HAVCR1: variants seen among roughly 807,000 people sequenced by gnomAD.
The protein encoded by HAVCR1 is hepatitis A virus cellular receptor 1.
In HAVCR1, 34 loss-of-function variants were observed where a neutral mutation model predicts 32.0. The ratio of observed to expected loss-of-function variants is 1.06; its 90% confidence interval spans 0.81 to 1.42. The LOEUF (loss-of-function observed/expected upper bound fraction) is 1.42. Ranked by LOEUF, HAVCR1 falls within the 40% of genes most tolerant of loss-of-function variation. The pLI, the probability that HAVCR1 is intolerant of heterozygous loss-of-function variation, is 0.00. For synonymous variants in HAVCR1, 178 were observed against 170.3 expected, an observed-to-expected ratio of 1.05 and a Z score of -0.35; for missense variants, 420 against 442.3, an observed-to-expected ratio of 0.95 and a Z score of 0.45.
chr5:157,034,246 G>T (rs60974422), intron 7 of HAVCR1, among the ~76,000 whole-genome samples: 1 of 151,908 alleles, frequency 6.6e-6, no homozygotes, highest in African/African-American at 2.4e-5. Flanking sequence ...GGTGGGGAGA[G>T]GGTCAGCAGG....
upstream of HAVCR1, among the ~76,000 whole-genome samples, chr5:157,063,944 A>G (rs1756547042): frequency 6.6e-6 from 1 of 152,246 alleles, no homozygotes; most frequent in Non-Finnish European, 1.5e-5. Context: ...AAGAGAGGCC[A>G]GCGTGACTGC....
chr5:157,058,297 C>A, intron 1 of HAVCR1: 1 of 198,474 alleles, frequency 5.0e-6, no homozygotes, highest in East Asian at 1.3e-4. Flanking sequence ...GGCGCGGTGG[C>A]TCAAACCTGT....
At chr5:157,031,146 CTG>C (rs1015608576) in intron 8 of HAVCR1, among the ~76,000 whole-genome samples, 1 of 151,996 alleles carries the variant, frequency 6.6e-6, no homozygotes, top group Admixed American at 6.6e-5. Flanking sequence ...ATTTCTGAAA[CTG>C]TTTTCCAATC....
the HAVCR1 span, among the ~76,000 whole-genome samples, chr5:157,066,946 C>T: frequency 7.2e-5 from 11 of 152,042 alleles, no homozygotes; most frequent in East Asian, 1.9e-4. Context: ...ATTAGCCGGG[C>T]GTGGTGGTAC....
chr5:157,063,262 A>G (rs1186063753), upstream of HAVCR1, among the ~76,000 whole-genome samples: 2 of 150,622 alleles, frequency 1.3e-5, no homozygotes, highest in African/African-American at 2.4e-5. Context: ...TGAACCAAAG[A>G]CCCCTGGCCT....
chr5:157,060,585 GGT>G (rs1292454861), upstream of HAVCR1, among the ~76,000 whole-genome samples: 9 of 152,018 alleles, frequency 5.9e-5, no homozygotes, highest in African/African-American at 2.2e-4. Flanking sequence ...CAATATATGT[GGT>G]GTCTGTCTCT....
intron 5 of HAVCR1, among the ~76,000 whole-genome samples, chr5:157,044,429 A>AGG (rs1342721200): frequency 0.016 from 425 of 27,058 alleles, 18 homozygotes; most frequent in African/African-American, 0.027. Context: ...AGGAGAAAGA[A>AGG]AGAAAGAAAG....
rs1460116836 is a variant in HAVCR1 at position 157,054,206 on chromosome 5, A to AT, written c.379+994_379+995insA. On this transcript the variant is annotated intron_variant, in intron 3 of 8. Coordinates refer to ENST00000523175, the MANE Select transcript of HAVCR1 (RefSeq NM_001173393.3). ...ACTCCATCTCAAAAAAAAAAAAAAA[A>AT]AAAAAAACAAAGGCCCTGCATGGTG... is the stretch of plus-strand genomic sequence containing the variant. Among the ~76,000 whole-genome samples the AT allele has an allele frequency of 1.2e-3, 184 of 151,292 alleles. 1 individual carries two copies. Among genetic ancestry groups the AT allele is most frequent in the African/African-American group, 4.3e-3 (177 of 41,228 alleles).
chr5:157,056,235 A>T (rs1756131916), intron 2 of HAVCR1, among the ~76,000 whole-genome samples: 1 of 151,396 alleles, frequency 6.6e-6, no homozygotes, highest in African/African-American at 2.4e-5. Flanking sequence ...CAGCCTTGTA[A>T]ATAGACATTA....
At chr5:157,061,428 G>A (rs1756487312), upstream of HAVCR1, among the ~76,000 whole-genome samples, 1 of 152,128 alleles carries the variant, frequency 6.6e-6, no homozygotes, top group Admixed American at 6.6e-5. Flanking sequence ...CAATTTAAGT[G>A]TTGAAGCCAG....
chr5:157,051,989 C>A (rs1347171269), intron 4 of HAVCR1, among the ~76,000 whole-genome samples: 4 of 152,234 alleles, frequency 2.6e-5, no homozygotes, highest in Non-Finnish European at 5.9e-5. Context: ...CGTGAGGACA[C>A]TATCTCATTT....
chr5:157,044,544 GAGGA>G (rs1402757232), intron 5 of HAVCR1, among the ~76,000 whole-genome samples: 20 of 142,106 alleles, frequency 1.4e-4, no homozygotes, highest in South Asian at 9.5e-4. Flanking sequence ...AAGAAGAAAG[GAGGA>G]AGGAAGGAAG....
chr5:157,065,723 C>T, the HAVCR1 span, among the ~76,000 whole-genome samples: 3 of 152,076 alleles, frequency 2.0e-5, no homozygotes, highest in South Asian at 6.2e-4. Context: ...GGTGTGATGG[C>T]GCATGCCTGT....
intron 5 of HAVCR1, among the ~76,000 whole-genome samples, chr5:157,048,416 G>A (rs531983109): frequency 6.6e-6 from 1 of 152,236 alleles, no homozygotes; most frequent in African/African-American, 2.4e-5. Flanking sequence ...ATGTTCTAAG[G>A]AATAATAATA....
chr5:157,029,596 T>C lies in HAVCR1; in HGVS notation c.*137A>G. On this transcript the variant is annotated 3_prime_UTR_variant, in exon 9 of 9. Transcript: ENST00000523175. ...GGAGTGAGAGAGTTACTCTACCCAGTATCACTGACATGTTGGAATGCCAGA... is the reference window on the plus strand; with the variant it reads ...GGAGTGAGAGAGTTACTCTACCCAGCATCACTGACATGTTGGAATGCCAGA... 2 of 1,539,764 alleles carry C rather than the reference T, an allele frequency of 1.3e-6. No homozygotes were observed. The highest frequency in any genetic ancestry group is 1.4e-5 in the African/African-American group (1 of 73,248).
rs142603344 is a variant in HAVCR1 at position 157,044,676 on chromosome 5, A to AGAAAGGAAGGAGGGAG, written c.782-1995_782-1994insCTCCCTCCTTCCTTTC. 2.6e-4 allele frequency among the ~76,000 whole-genome samples: 28 copies of AGAAAGGAAGGAGGGAG among 109,540 alleles called. 4 individuals are homozygous for AGAAAGGAAGGAGGGAG. In the East Asian group the frequency reaches 8.5e-3, roughly 33 times the overall value. The allele number at this position is 109,540 out of a possible 152,430, so 71.9% of individuals were successfully genotyped here. A position where few individuals can be genotyped will look rare whatever the true frequency, so the allele number is the denominator to read the frequency against. On this transcript the variant is annotated intron_variant, in intron 5 of 8. Transcript: ENST00000523175. ...AAGAAAGAAAGAAAGAAAGAAAGAA[A>AGAAAGGAAGGAGGGAG]GGAGGGAGGGAGGAAGGAAGGAAGG...
chr5:157,043,513 C>CA (rs1755043664), intron 5 of HAVCR1, among the ~76,000 whole-genome samples: 1 of 152,028 alleles, frequency 6.6e-6, no homozygotes, highest in African/African-American at 2.4e-5. Context: ...ACAAAAAATA[C>CA]AAAAAATTAG....
chr5:157,033,592 G>A (rs1217786767), intron 7 of HAVCR1, among the ~76,000 whole-genome samples: 1 of 136,534 alleles, frequency 7.3e-6, no homozygotes, highest in East Asian at 2.1e-4. Context: ...GCGGGTGGGG[G>A]TGGTGGGGGA....
intron 5 of HAVCR1, among the ~76,000 whole-genome samples, chr5:157,047,648 A>G (rs1755484505): frequency 6.6e-6 from 1 of 152,166 alleles, no homozygotes; most frequent in Non-Finnish European, 1.5e-5. Context: ...AAGGAAGAGC[A>G]TGGAACCCTT....
Sources: gnomAD v4.1 joint callset for allele counts (sites outside exome capture counted in the v4.1 genomes callset) on GRCh38, gnomAD v4.1.1 for gene constraint, MANE v1.5 for transcripts, NCBI Gene and HGNC (gene_info 2026-07-23, HGNC 2026-07-21) for gene names.